CACNA2D3: variants seen among roughly 807,000 people sequenced by gnomAD.
CACNA2D3 encodes voltage-dependent calcium channel subunit alpha-2/delta-3.
CACNA2D3 carries 60 observed loss-of-function variants against 160.6 expected under a neutral mutation model. The observed-to-expected ratio is 0.37, with a 90% CI of 0.30 to 0.46. The LOEUF (loss-of-function observed/expected upper bound fraction) is 0.46. CACNA2D3 is among the 20% of genes least tolerant of loss of function. The pLI is 1.00. For synonymous variants in CACNA2D3, 558 were observed against 492.9 expected, an observed-to-expected ratio of 1.13 and a Z score of -1.75; for missense variants, 1,205 against 1,365.0, an observed-to-expected ratio of 0.88 and a Z score of 1.85.
chr3:54,805,553 A>G (rs1703099146), intron 13 of CACNA2D3, among the ~76,000 whole-genome samples: 1 of 152,338 alleles, frequency 6.6e-6, no homozygotes, highest in East Asian at 1.9e-4. Context: ...AATTGTGGCA[A>G]TAATCAATAG....
chr3:55,048,154 A>G (rs1271787508), intron 35 of CACNA2D3, among the ~76,000 whole-genome samples: 13 of 101,422 alleles, frequency 1.3e-4, no homozygotes, highest in African/African-American at 4.7e-4. Context: ...AGGAGTGGTG[A>G]GAGAGGGCAT....
intron 27 of CACNA2D3, chr3:54,918,450 C>T (rs1700727592): frequency 6.4e-7 from 1 of 1,574,750 alleles, no homozygotes; most frequent in African/African-American, 1.4e-5. Flanking sequence ...CTATTTGAGA[C>T]AAAAGCTCTC....
intron 9 of CACNA2D3, among the ~76,000 whole-genome samples, chr3:54,619,402 G>A (rs978223447): frequency 7.2e-5 from 11 of 152,192 alleles, no homozygotes; most frequent in Admixed American, 7.2e-4. Flanking sequence ...CATCCTGCAT[G>A]AAATAATTAG....
At chr3:54,688,296 A>G (rs577431165) in intron 11 of CACNA2D3, among the ~76,000 whole-genome samples, 16 of 152,286 alleles carry the variant, frequency 1.1e-4, no homozygotes, top group African/African-American at 3.1e-4. Flanking sequence ...AGCCATTTGT[A>G]TCTATAAGGA....
At chr3:54,542,508 C>G (rs999007440) in intron 5 of CACNA2D3, among the ~76,000 whole-genome samples, 5 of 152,178 alleles carry the variant, frequency 3.3e-5, no homozygotes, top group African/African-American at 4.8e-5. Context: ...ACAGTGCAGT[C>G]TTCAGTCTGT....
intron 2 of CACNA2D3, among the ~76,000 whole-genome samples, chr3:54,180,968 G>A (rs1024878730): frequency 1.3e-5 from 2 of 152,190 alleles, no homozygotes; most frequent in East Asian, 1.9e-4. Context: ...TGAGCTGGTA[G>A]ACCATCTGGT....
At chr3:54,605,898 C>A (rs1698598186) in intron 9 of CACNA2D3, among the ~76,000 whole-genome samples, 1 of 152,118 alleles carries the variant, frequency 6.6e-6, no homozygotes, top group African/African-American at 2.4e-5. Context: ...ATATTTGCTC[C>A]AGCTCATTTG....
intron 17 of CACNA2D3, among the ~76,000 whole-genome samples, chr3:54,869,922 C>T (rs1331337877): frequency 6.6e-6 from 1 of 152,188 alleles, no homozygotes; most frequent in African/African-American, 2.4e-5. Context: ...CCTTCCCCTT[C>T]ATCTGGAGTG....
At chr3:54,440,167 G>A (rs896160798) in intron 4 of CACNA2D3, among the ~76,000 whole-genome samples, 1 of 152,148 alleles carries the variant, frequency 6.6e-6, no homozygotes, top group Non-Finnish European at 1.5e-5. Context: ...CAGTGGACCT[G>A]GGGTTAGCCC....
chr3:54,867,504 A>C (rs1699429256), intron 17 of CACNA2D3, among the ~76,000 whole-genome samples: 1 of 146,184 alleles, frequency 6.8e-6, no homozygotes, highest in Non-Finnish European at 1.5e-5. Context: ...TTGACTACTC[A>C]ATGCTTAAGA....
In CACNA2D3 at chr3:54,896,688, T is replaced by C. The variant is rs536927750; in HGVS notation, c.2247-61T>C. On this transcript the variant is annotated intron_variant, in intron 25 of 37. Coordinates refer to ENST00000474759, the MANE Select transcript of CACNA2D3 (RefSeq NM_018398.3). Reference sequence around the variant, plus strand: ...TACCTGATGAAGGCTGTCGGGGTGCTCCAGGCCCACCTTTACTCTGCTGAG... The same window carrying C: ...TACCTGATGAAGGCTGTCGGGGTGCCCCAGGCCCACCTTTACTCTGCTGAG... 2.5e-3 allele frequency: 3,980 copies of C among 1,609,366 alleles called. 14 individuals are homozygous for C. Among genetic ancestry groups the C allele is most frequent in the South Asian group, 5.6e-3 (509 of 90,904 alleles).
At chr3:54,995,123 G>A (rs1356092463) in intron 31 of CACNA2D3, among the ~76,000 whole-genome samples, 7 of 152,116 alleles carry the variant, frequency 4.6e-5, no homozygotes, top group African/African-American at 1.4e-4. Context: ...ACAGGCGCCC[G>A]CCACCATGCC....
At chr3:54,166,129 C>T (rs940257938) in intron 2 of CACNA2D3, among the ~76,000 whole-genome samples, 6 of 152,150 alleles carry the variant, frequency 3.9e-5, no homozygotes, top group East Asian at 1.9e-4. Context: ...TGGGCTTCAC[C>T]GTGACTATCC....
At chr3:54,828,448 A>C (rs955258830) in intron 14 of CACNA2D3, among the ~76,000 whole-genome samples, 1 of 152,218 alleles carries the variant, frequency 6.6e-6, no homozygotes, top group Non-Finnish European at 1.5e-5. Context: ...TTATTTATAT[A>C]TGTTCATGGT....
At chr3:54,759,067 C>T (rs967617247) in intron 12 of CACNA2D3, among the ~76,000 whole-genome samples, 60 of 152,244 alleles carry the variant, frequency 3.9e-4, no homozygotes, top group African/African-American at 1.4e-3. Context: ...CAAAGCACTG[C>T]GTTGCATATG....
chr3:54,643,665 G>C (rs751560941), intron 11 of CACNA2D3, among the ~76,000 whole-genome samples: 14 of 152,214 alleles, frequency 9.2e-5, no homozygotes, highest in African/African-American at 1.7e-4. Flanking sequence ...TCCAGAGACA[G>C]GTAGAGGCCA....
At chr3:54,494,913 G>A (rs1488673541) in intron 4 of CACNA2D3, among the ~76,000 whole-genome samples, 2 of 152,144 alleles carry the variant, frequency 1.3e-5, no homozygotes, top group Admixed American at 6.5e-5. Flanking sequence ...CTGTCATGAG[G>A]ACAGCAGGGG....
chr3:54,197,757 T>G (rs1284995321), intron 2 of CACNA2D3, among the ~76,000 whole-genome samples: 3 of 152,178 alleles, frequency 2.0e-5, no homozygotes, highest in Non-Finnish European at 4.4e-5. Context: ...GCTGTTACAG[T>G]CTGTGAGGGG....
At chr3:54,493,835 A>G (rs78645083) in intron 4 of CACNA2D3, among the ~76,000 whole-genome samples, 3,123 of 152,306 alleles carry the variant, frequency 0.021, 87 homozygotes, top group East Asian at 0.11. Context: ...TGTATTATCT[A>G]TGGCAGCTGT....
Sources: allele counts gnomAD v4.1 joint callset (sites outside exome capture counted in the v4.1 genomes callset), GRCh38; gene constraint gnomAD v4.1.1; transcripts MANE v1.5; gene names NCBI Gene and HGNC (gene_info 2026-07-23, HGNC 2026-07-21).